The following ULK4 variants were observed in gnomAD, a reference collection of about 807,000 sequenced individuals.
ULK4 encodes inactive serine/threonine-protein kinase ULK4.
ULK4 carries 133 observed loss-of-function variants against 160.6 expected under a neutral mutation model. The ratio of observed to expected loss-of-function variants is 0.83; its 90% CI spans 0.72 to 0.96. The LOEUF (loss-of-function observed/expected upper bound fraction) is 0.96, where lower values mean the gene tolerates loss of function less well. ULK4 is among the 40% of genes least tolerant of loss of function. ULK4 has a pLI of 0.00. For missense variants in ULK4, 1,580 were observed against 1,499.5 expected, an observed-to-expected ratio of 1.05 and a Z score of -0.89; for synonymous variants, 534 against 539.8, an observed-to-expected ratio of 0.99 and a Z score of 0.15.
chr3:41,481,401 T>C (rs947717418), intron 32 of ULK4, among the ~76,000 whole-genome samples: 1 of 152,194 alleles, frequency 6.6e-6, no homozygotes, highest in African/African-American at 2.4e-5. Flanking sequence ...AAGGCTGAAA[T>C]CTACTGGGCT....
chr3:41,841,844 C>T (rs887595468), intron 17 of ULK4, among the ~76,000 whole-genome samples: 1 of 152,148 alleles, frequency 6.6e-6, no homozygotes, highest in African/African-American at 2.4e-5. Context: ...TTACCCCCAA[C>T]CCCGTGCTCT....
At chr3:41,502,839 A>C (rs1169144227) in intron 32 of ULK4, among the ~76,000 whole-genome samples, 1 of 152,200 alleles carries the variant, frequency 6.6e-6, no homozygotes, top group Non-Finnish European at 1.5e-5. Context: ...GGTGATAAAA[A>C]TGTTTCATAT....
chr3:41,319,567 T>C (rs1323191520), intron 35 of ULK4, among the ~76,000 whole-genome samples: 1 of 152,244 alleles, frequency 6.6e-6, no homozygotes, highest in African/African-American at 2.4e-5. Context: ...AGACACATCT[T>C]GGTACATGGT....
In ULK4 at chr3:41,574,682, C is replaced by T. The variant is rs140578137; in HGVS notation, c.3121-8552G>A. On this transcript the variant is annotated intron_variant, in intron 31 of 36. Transcript: ENST00000301831. Reference sequence around the variant, plus strand: ...TCAGCCTCCCAAGTAGCTGGGACTACAGTTGCCTGCCCACCATGCCTGGCT... The same window carrying T: ...TCAGCCTCCCAAGTAGCTGGGACTATAGTTGCCTGCCCACCATGCCTGGCT... Among the ~76,000 whole-genome samples, 28 of 152,106 alleles carry T rather than the reference C, an allele frequency of 1.8e-4. No individual in the cohort carries two copies. In the East Asian group the frequency reaches 5.0e-3, roughly 27 times the overall value.
chr3:41,447,561 G>C (rs2083329164), intron 34 of ULK4, among the ~76,000 whole-genome samples: 1 of 152,062 alleles, frequency 6.6e-6, no homozygotes, highest in Non-Finnish European at 1.5e-5. Flanking sequence ...CTTCCCTAAA[G>C]CTAGACAAAT....
chr3:41,661,531 AATAG>A (rs973517011), intron 30 of ULK4, among the ~76,000 whole-genome samples: 54 of 148,492 alleles, frequency 3.6e-4, no homozygotes, highest in Admixed American at 2.2e-3. Flanking sequence ...TAGATAGATA[AATAG>A]ATAGATAAAT....
intron 33 of ULK4, among the ~76,000 whole-genome samples, chr3:41,461,735 T>A (rs1424804945): frequency 2.0e-5 from 3 of 152,230 alleles, no homozygotes; most frequent in Non-Finnish European, 4.4e-5. Flanking sequence ...ATTTCTATTA[T>A]CCTGAAGATT....
chr3:41,670,262 T>C (rs1280050243), intron 29 of ULK4, among the ~76,000 whole-genome samples: 1 of 152,164 alleles, frequency 6.6e-6, no homozygotes, highest in African/African-American at 2.4e-5. Flanking sequence ...TCTAGACTGC[T>C]ACAAGAAAGG....
rs530168615 is a variant in ULK4, at chr3:41,744,685, A to G, written c.2321+9676T>C. Among the ~76,000 whole-genome samples, 32 of 152,024 alleles carry G rather than the reference A, an allele frequency of 2.1e-4. No homozygotes were observed. In the South Asian group the frequency reaches 6.4e-3, roughly 31 times the overall value. The stretch of plus-strand genomic sequence containing the variant: ...GAAAGAAAAACAGTAAGAATAGAGA[A>G]TATCTAAACAACGCAATGAAACAAC... On this transcript the variant is annotated intron_variant, in intron 22 of 36. Transcript: ENST00000301831.
rs1357661522 is a variant in ULK4 at position 41,596,930 on chromosome 3, G to C, written c.3120+18739C>G. On this transcript the variant is annotated intron_variant, in intron 31 of 36. Transcript: ENST00000301831. ...TCATGGGCCAGATAACTGTTTTGGGGGTTGCTCTGTGCACCGTACACTATT... is the reference window on the plus strand; with the variant it reads ...TCATGGGCCAGATAACTGTTTTGGGCGTTGCTCTGTGCACCGTACACTATT... 2.0e-5 allele frequency among the ~76,000 whole-genome samples: 3 copies of C among 152,082 alleles called. No individual in the cohort carries two copies. In the East Asian group the frequency reaches 5.8e-4, roughly 29 times the overall value.
At chr3:41,957,678 A>G (rs1035083730) in intron 1 of ULK4, among the ~76,000 whole-genome samples, 2 of 151,220 alleles carry the variant, frequency 1.3e-5, no homozygotes, top group African/African-American at 4.9e-5. Flanking sequence ...GCACCATGGT[A>G]CTCCAGCCTG....
At chr3:41,335,734 CA>C (rs5848598) in intron 35 of ULK4, among the ~76,000 whole-genome samples, 75,760 of 147,966 alleles carry the variant, frequency 0.51, 19,826 homozygotes, top group African/African-American at 0.68. Flanking sequence ...AGCATGAGGG[CA>C]AAAAAAAAAA....
chr3:41,533,373 T>C (rs2086388319), intron 32 of ULK4, among the ~76,000 whole-genome samples: 1 of 152,360 alleles, frequency 6.6e-6, no homozygotes, highest in African/African-American at 2.4e-5. Flanking sequence ...ATCTCCATAC[T>C]ACTGTGGGAG....
intron 31 of ULK4, among the ~76,000 whole-genome samples, chr3:41,608,411 A>G (rs2032492154): frequency 6.6e-6 from 1 of 152,228 alleles, no homozygotes; most frequent in African/African-American, 2.4e-5. Context: ...AAAAGTGGGT[A>G]ATCTCAGTTG....
At chr3:41,466,706 TAATA>T (rs1175071892) in intron 32 of ULK4, among the ~76,000 whole-genome samples, 2 of 152,022 alleles carry the variant, frequency 1.3e-5, no homozygotes, top group East Asian at 1.9e-4. Flanking sequence ...TATTAAAAAA[TAATA>T]AATAAGGAAG....
In ULK4 at chr3:41,396,210, AT is replaced by A. The variant is rs146922893; in HGVS notation, c.3678+1868del. Among the ~76,000 whole-genome samples, 634 of 152,216 alleles carry A rather than the reference AT, an allele frequency of 4.2e-3. 2 individuals are homozygous for A. Among genetic ancestry groups the A allele is most frequent in the African/African-American group, 0.015 (606 of 41,554 alleles). On this transcript the variant is annotated intron_variant, in intron 35 of 36. Coordinates refer to ENST00000301831, the MANE Select transcript of ULK4 (RefSeq NM_017886.4). ...CTTTATTTACCCCTGCCTGGTGTAAATATTCATACATTTTGCCACAGAAATA... is the reference window on the plus strand; with the variant it reads ...CTTTATTTACCCCTGCCTGGTGTAAAATTCATACATTTTGCCACAGAAATA...
intron 3 of ULK4, 113 bp from the exon 4 acceptor site, chr3:41,936,053 G>A (rs541950942): frequency 2.9e-5 from 40 of 1,363,632 alleles, no homozygotes; most frequent in African/African-American, 4.4e-5. Context: ...GACAGTAAAC[G>A]CTGACAGCCT....
rs7622122 is a variant in ULK4, at chr3:41,389,642, G to C, written c.3678+8437C>G. The stretch of plus-strand genomic sequence containing the variant: ...CTATTGAGATAATCATGTGGTTTTT[G>C]TCTTTGGTTCTGTTTATATGCTGGA... On this transcript the variant is annotated intron_variant, in intron 35 of 36. Transcript: ENST00000301831. Among the ~76,000 whole-genome samples the C allele has an allele frequency of 6.7e-3, 1,024 of 152,206 alleles. 4 individuals are homozygous for C. The highest frequency in any genetic ancestry group is 0.015 in the East Asian group (79 of 5,178).
chr3:41,548,708 A>G (rs2086956202), intron 32 of ULK4, among the ~76,000 whole-genome samples: 1 of 122,574 alleles, frequency 8.2e-6, no homozygotes, highest in South Asian at 2.9e-4. Flanking sequence ...TGAGCAAGCC[A>G]TCTTTAGGGC....
Sources: gnomAD v4.1 joint callset for allele counts (sites outside exome capture counted in the v4.1 genomes callset) on GRCh38, gnomAD v4.1.1 for gene constraint, MANE v1.5 for transcripts, NCBI Gene and HGNC (gene_info 2026-07-23, HGNC 2026-07-21) for gene names.